Variants in BPIFB2 observed in about 807,000 individuals in gnomAD.
BPIFB2 encodes the protein BPI fold-containing family B member 2.
BPIFB2 carries 39 observed loss-of-function variants against 50.1 expected under a neutral mutation model. The observed-to-expected ratio is 0.78, with a 90% CI of 0.60 to 1.02. The LOEUF is 1.02. BPIFB2 is among the 50% of genes least tolerant of loss of function. The pLI is 0.00. For missense variants in BPIFB2, 574 were observed against 585.8 expected (o/e 0.98, Z 0.21); for synonymous variants, 280 against 256.3 (o/e 1.09, Z -0.88).
At chr20:33,011,190 TTCAG>T (rs1367276028) in intron 3 of BPIFB2, 73 bp downstream of exon 3, 1 of 1,421,312 alleles carries the variant, frequency 7.0e-7, no homozygotes, top group Non-Finnish European at 9.9e-7. Flanking sequence ...AGGTGGGTGC[TTCAG>T]TCCACCGGGC....
At chr20:33,019,937 C>T (rs1188104082) in intron 11 of BPIFB2, among the ~76,000 whole-genome samples, 187 bp downstream of exon 11, 1 of 152,238 alleles carries the variant, frequency 6.6e-6, no homozygotes, top group African/African-American at 2.4e-5. Flanking sequence ...CCCACCCTGG[C>T]TCTTGGCATG....
intron 13 of BPIFB2, among the ~76,000 whole-genome samples, chr20:33,020,874 C>T (rs1360266151): frequency 2.6e-5 from 4 of 152,186 alleles, no homozygotes; most frequent in African/African-American, 4.8e-5. Context: ...GGGTCATCGG[C>T]CACCATACAT....
At chr20:33,015,551 C>A in intron 6 of BPIFB2, 55 bp downstream of exon 6, 1 of 1,457,082 alleles carries the variant, frequency 6.9e-7, no homozygotes, top group Non-Finnish European at 9.4e-7. Context: ...CGAGAAGGCA[C>A]AGTGAAGAAA....
intron 3 of BPIFB2, among the ~76,000 whole-genome samples, chr20:33,011,970 A>G (rs1990295240): frequency 6.6e-6 from 1 of 152,150 alleles, no homozygotes; most frequent in South Asian, 2.1e-4. Flanking sequence ...CAAGAATGAA[A>G]CTCTGTCTCA....
intron 6 of BPIFB2, among the ~76,000 whole-genome samples, chr20:33,016,081 C>A (rs1010971226): frequency 3.3e-5 from 5 of 152,028 alleles, no homozygotes; most frequent in Admixed American, 3.3e-4. Context: ...GAGAGGGTAG[C>A]CCAGGGGCTA....
intron 3 of BPIFB2, 125 bp downstream of exon 3, chr20:33,011,242 G>A (rs546712368): frequency 8.3e-6 from 7 of 844,132 alleles, no homozygotes; most frequent in South Asian, 3.3e-5. Flanking sequence ...TCCTATCCAC[G>A]GGGCAAAGTG....
At chr20:33,017,276 C>T (rs1427281032) in intron 7 of BPIFB2, among the ~76,000 whole-genome samples, 174 bp downstream of exon 7, 3 of 152,166 alleles carry the variant, frequency 2.0e-5, no homozygotes, top group Non-Finnish European at 4.4e-5. Context: ...CTGGGAATCT[C>T]CAAATTCTAG....
chr20:33,019,493 T>A, intron 10 of BPIFB2, 87 bp from the exon 11 acceptor site: 1 of 1,394,614 alleles, frequency 7.2e-7, no homozygotes, highest in Non-Finnish European at 9.6e-7. Flanking sequence ...AGCGCCATGG[T>A]GGCCCAATCA....
chr20:33,009,394 C>T lies in BPIFB2; in HGVS notation c.109+711C>T, dbSNP rs1404573264. Among the ~76,000 whole-genome samples, 1 of 152,174 alleles carries T rather than the reference C, an allele frequency of 6.6e-6. No individual in the cohort carries two copies. ...GGACGCCAGCACAAACATGTTTATT[C>T]ACCTCGAGTTGCCTCCCGGTGAGAA... is the stretch of plus-strand genomic sequence containing the variant. On this transcript the variant is annotated intron_variant, in intron 2 of 15. Transcript: ENST00000170150. This position sits in a 1 kb window ranked among gnomAD's most constrained non-coding sequence, Gnocchi z 4.2.
At chr20:33,014,795 G>A (rs1446220095) in intron 5 of BPIFB2, among the ~76,000 whole-genome samples, 3 of 152,176 alleles carry the variant, frequency 2.0e-5, no homozygotes, top group Admixed American at 6.5e-5. Flanking sequence ...TGTGACTCAC[G>A]ACCCCTCACT....
chr20:33,010,861 G>A (rs1193351909), intron 2 of BPIFB2, among the ~76,000 whole-genome samples, 163 bp from the exon 3 acceptor site: 1 of 152,036 alleles, frequency 6.6e-6, no homozygotes, highest in Admixed American at 6.6e-5. Context: ...CCCAAGGTGG[G>A]CTCATGGGGA....
In BPIFB2 at chr20:33,009,040, C is replaced by G. The variant is rs953523059; in HGVS notation, c.109+357C>G. 6.6e-6 allele frequency among the ~76,000 whole-genome samples: 1 copy of G among 152,048 alleles called. No homozygotes were observed. Among genetic ancestry groups the G allele is most frequent in the Non-Finnish European group, 1.5e-5 (1 of 68,014 alleles). On this transcript the variant is annotated intron_variant, in intron 2 of 15. Coordinates refer to ENST00000170150, the MANE Select transcript of BPIFB2 (RefSeq NM_025227.3). This position sits in a 1 kb window ranked among gnomAD's most constrained non-coding sequence, Gnocchi z 4.2. ...TGTGCCCACGTGTGTACTTAAGTGT[C>G]GGGGAGGGTGCAAGCCCATGATGCT...
intron 3 of BPIFB2, 82 bp downstream of exon 3, chr20:33,011,199 C>T: frequency 1.5e-6 from 2 of 1,355,336 alleles, no homozygotes; most frequent in South Asian, 1.2e-5. Flanking sequence ...CTTCAGTCCA[C>T]CGGGCATGTG....
At chr20:33,008,138 C>A (rs979852643) in intron 1 of BPIFB2, among the ~76,000 whole-genome samples, 1 of 152,184 alleles carries the variant, frequency 6.6e-6, no homozygotes, top group African/African-American at 2.4e-5. Context: ...ACCAAGCTGG[C>A]TGTCACACGG....
rs750973615 is a variant in BPIFB2, at chr20:33,013,810, C to A, written c.309C>A (p.Arg103=). The A allele has an allele frequency of 2.5e-6, 4 of 1,612,296 alleles. No homozygotes were observed. Among genetic ancestry groups the A allele is most frequent in the Non-Finnish European group, 3.4e-6 (4 of 1,179,600 alleles). The change falls in exon 5 of 16, where the codon CGC becomes CGA. Residue 103 remains arginine (R), a splice_region_variant and synonymous_variant. Coordinates refer to ENST00000170150, the MANE Select transcript of BPIFB2 (RefSeq NM_025227.3). The stretch of plus-strand genomic sequence containing the variant: ...GGGCTCAGGACTGGCATCCCTACAG[C>A]GCCCCAGAGCCCCTGGAGCTGACGC... The part of the protein sequence containing the change: ...AAANFTFKVF[R]APEPLELTLP...
At chr20:33,016,671 C>T (rs1399806304) in intron 6 of BPIFB2, among the ~76,000 whole-genome samples, 1 of 152,244 alleles carries the variant, frequency 6.6e-6, no homozygotes, top group Non-Finnish European at 1.5e-5. Flanking sequence ...CCTGCCTCTG[C>T]ATGGGCACCA....
Position 33,020,592 on chromosome 20 carries a change from G to A in BPIFB2, c.1194+5G>A. 1 of 1,605,916 alleles carries A rather than the reference G, an allele frequency of 6.2e-7. No homozygotes were observed. The highest frequency in any genetic ancestry group is 8.5e-7 in the Non-Finnish European group (1 of 1,175,058). ...TCCAACGTGGGCTTCATTGATGTGA[G>A]TGTGGGGCTGGGGCCTCTAGAAACC... On this transcript the variant is annotated splice_donor_5th_base_variant and intron_variant, in intron 13 of 15. Coordinates refer to ENST00000170150, the MANE Select transcript of BPIFB2 (RefSeq NM_025227.3).
chr20:33,012,800 C>A lies in BPIFB2; in HGVS notation c.204-3C>A. 6.2e-7 allele frequency: 1 copy of A among 1,610,992 alleles called. No individual in the cohort carries two copies. ...CTCTGTCACCTTGATTACTACCCTG[C>A]AGGATCCGGATTCTGAATGTCCATG... is the stretch of plus-strand genomic sequence containing the variant. On this transcript the variant is annotated splice_region_variant and splice_polypyrimidine_tract_variant and intron_variant, in intron 3 of 15. Transcript: ENST00000170150.
chr20:33,019,017 A>G, intron 9 of BPIFB2, 45 bp from the exon 10 acceptor site: 1 of 1,612,782 alleles, frequency 6.2e-7, no homozygotes. Flanking sequence ...TGTCTTGGGG[A>G]GCAGCTGTCC....
Sources: gnomAD v4.1 joint callset for allele counts (sites outside exome capture counted in the v4.1 genomes callset) on GRCh38, gnomAD v4.1.1 for gene constraint, Gnocchi (gnomAD v3.1) non-coding constraint, MANE v1.5 for transcripts, NCBI Gene and HGNC (gene_info 2026-07-23, HGNC 2026-07-21) for gene names.